Variants in MSH6 observed in about 807,000 individuals in gnomAD.
MSH6 encodes DNA mismatch repair protein Msh6.
MSH6 carries 85 observed loss-of-function variants against 119.1 expected under a neutral mutation model. The ratio of observed to expected loss-of-function variants is 0.71; its 90% CI spans 0.60 to 0.85. The LOEUF is 0.85. MSH6 is among the 40% of genes least tolerant of loss of function. The probability of loss-of-function intolerance (pLI) is 0.00; values close to 1 mark genes in which losing one functional copy is unlikely to be tolerated. For synonymous variants in MSH6, 830 were observed against 586.9 expected, an observed-to-expected ratio of 1.41 and a Z score of -5.99; for missense variants, 2,163 against 1,655.3, an observed-to-expected ratio of 1.31 and a Z score of -5.32.
In MSH6 at chr2:47,798,795, A is replaced by G; in HGVS notation, c.812A>G (p.Glu271Gly). ...SDVEFKPDTK[E>G]EGSSDEISSG... ...GTGGAATTTAAGCCAGACACTAAGGAGGAAGGAAGCAGTGATGAAATAAGC... is the reference window on the plus strand; with the variant it reads ...GTGGAATTTAAGCCAGACACTAAGGGGGAAGGAAGCAGTGATGAAATAAGC... The change falls in exon 4 of 10, where the codon GAG becomes GGG. Residue 271 changes from glutamate to glycine, a missense_variant. Coordinates refer to ENST00000234420, the MANE Select transcript of MSH6 (RefSeq NM_000179.3). 1 of 1,614,178 alleles carries G rather than the reference A, an allele frequency of 6.2e-7. No homozygotes were observed. Among genetic ancestry groups the G allele is most frequent in the Non-Finnish European group, 8.5e-7 (1 of 1,180,024 alleles).
At chr2:47,804,844 G>C (rs760569345) in intron 5 of MSH6, 66 bp from the exon 6 acceptor site, 21 of 1,266,992 alleles carry the variant, frequency 1.7e-5, no homozygotes, top group Non-Finnish European at 2.2e-5. Flanking sequence ...GGGTTCATAA[G>C]AAAGACAAAA....
rs752164796 is a variant in MSH6, at chr2:47,803,635, G to A, written c.3388G>A (p.Val1130Met). Residue 1130 changes from valine (V) to methionine (M), a missense_variant, in exon 5 of 10, where the codon GTG (valine) becomes ATG (methionine). Physicochemically the swap from Val to Met is conservative, Grantham distance 21. Transcript: ENST00000234420. ...GCAGGAAAATGGCAAAGCCTATTGT[G>A]TGCTTGTTACTGGACCAAATATGGG... ...EEQENGKAYC[V>M]LVTGPNMGGK... 3 of 1,614,192 alleles carry A rather than the reference G, an allele frequency of 1.9e-6. No individual in the cohort carries two copies. Among genetic ancestry groups the A allele is most frequent in the South Asian group, 1.1e-5 (1 of 91,078 alleles).
chr2:47,788,570 CTTTTT>C (rs531963943), intron 1 of MSH6, among the ~76,000 whole-genome samples: 14 of 104,864 alleles, frequency 1.3e-4, no homozygotes, highest in African/African-American at 4.0e-4. Context: ...TTTTCTTTTT[CTTTTT>C]TTTTTTTTTT....
In MSH6 at chr2:47,805,722, TTCTCATTTG is replaced by T. The variant is rs766279232; in HGVS notation, c.3646+16_3646+24del. 9 of 1,512,434 alleles carry T rather than the reference TTCTCATTTG, an allele frequency of 6.0e-6. No homozygotes were observed. Among genetic ancestry groups the T allele is most frequent in the Non-Finnish European group, 6.3e-6 (7 of 1,113,736 alleles). The allele number at this position is 1,512,434 out of a possible 1,614,324, so 93.7% of individuals were successfully genotyped here. On this transcript the variant is annotated intron_variant, in intron 7 of 9. Coordinates refer to ENST00000234420, the MANE Select transcript of MSH6 (RefSeq NM_000179.3). ...GGATGAATTAGGTAAGACATTAAAC[TTCTCATTTG>T]AAGACTATCTATCTTAAAAACATTT...
In MSH6 at chr2:47,806,599, C is replaced by T. The variant is rs759092293; in HGVS notation, c.3949C>T (p.His1317Tyr). Residue 1317 changes from histidine to tyrosine, a missense_variant, in exon 9 of 10, where the codon CAT (histidine) becomes TAT (tyrosine). His to Tyr is a moderately conservative substitution (Grantham distance 83). Coordinates refer to ENST00000234420, the MANE Select transcript of MSH6 (RefSeq NM_000179.3). ...CCCAGAGGAAGTTATTCAAAAGGGA[C>T]ATAGAAAAGCAAGAGAATTTGAGAA... The part of the protein sequence containing the change: ...NLPEEVIQKG[H>Y]RKAREFEKMN... 1.9e-6 allele frequency: 3 copies of T among 1,612,956 alleles called. No individual in the cohort carries two copies. The highest frequency in any genetic ancestry group is 1.1e-5 in the South Asian group (1 of 91,066).
intron 1 of MSH6, chr2:47,789,427 G>C: frequency 2.1e-6 from 1 of 468,460 alleles, no homozygotes; most frequent in South Asian, 1.6e-5. Flanking sequence ...TCCTAGTGAG[G>C]ATGCACATTT....
At chr2:47,790,900 A>T (rs1374312236) in intron 1 of MSH6, 27 bp from the exon 2 acceptor site, 2 of 1,608,686 alleles carry the variant, frequency 1.2e-6, no homozygotes, top group African/African-American at 1.3e-5. Context: ...AATATTAACT[A>T]AGTTATGTAT....
downstream of MSH6, chr2:47,808,665 C>CT: frequency 2.5e-6 from 1 of 403,550 alleles, no homozygotes; most frequent in Non-Finnish European, 4.4e-6. Context: ...GTTCTTTCCA[C>CT]TTTAAAAGCC....
intron 2 of MSH6, among the ~76,000 whole-genome samples, chr2:47,794,528 T>TC (rs1375635804): frequency 6.8e-6 from 1 of 147,002 alleles, no homozygotes; most frequent in Non-Finnish European, 1.5e-5. Context: ...CGCCTTGGCC[T>TC]CCCAAAATGC....
rs876658189 is a variant in MSH6, at chr2:47,806,624, A to T, written c.3974A>T (p.Lys1325Met). ...KGHRKAREFE[K>M]MNQSLRLFRE... The stretch of plus-strand genomic sequence containing the variant: ...CATAGAAAAGCAAGAGAATTTGAGA[A>T]GATGAATCAGTCACTACGATTATTT... Residue 1325 changes from lysine to methionine, a missense_variant, in exon 9 of 10, where the codon AAG (lysine) becomes ATG (methionine). By Grantham distance (95) the Lys-to-Met change is moderately conservative. Coordinates refer to ENST00000234420, the MANE Select transcript of MSH6 (RefSeq NM_000179.3). 5 of 1,612,290 alleles carry T rather than the reference A, an allele frequency of 3.1e-6. No homozygotes were observed. Among genetic ancestry groups the T allele is most frequent in the African/African-American group, 1.3e-5 (1 of 75,048 alleles).
downstream of MSH6, chr2:47,808,875 TTTGTA>T: frequency 3.3e-6 from 1 of 301,934 alleles, no homozygotes; most frequent in South Asian, 7.0e-5. Context: ...TTTGTTTTGT[TTTGTA>T]GAGACAGGGT....
Position 47,800,671 on chromosome 2 carries a change from A to G in MSH6, c.2688A>G (p.Lys896=), listed in dbSNP as rs876659173. The change falls in exon 4 of 10, where the codon AAA becomes AAG. Residue 896 remains lysine, a synonymous_variant. Transcript: ENST00000234420. ...AGCAGGTCATCTCTCTGCAGACAAA[A>G]AATCCTGAAGGTCGTTTTCCTGATT... ...ILKQVISLQT[K]NPEGRFPDLT... 6.2e-7 allele frequency: 1 copy of G among 1,614,194 alleles called. No homozygotes were observed. Among genetic ancestry groups the G allele is most frequent in the East Asian group, 2.2e-5 (1 of 44,888 alleles).
In MSH6 at chr2:47,800,532, A is replaced by G. The variant is rs63750389; in HGVS notation, c.2549A>G (p.Tyr850Cys). ...GCTATAATGTATGAAGAAACTACAT[A>G]CAGCAAGAAGAAGATTATTGATTTT... Reference protein sequence around the residue: ...SRAIMYEETTYSKKKIIDFLS... With the variant: ...SRAIMYEETTCSKKKIIDFLS... Residue 850 changes from tyrosine to cysteine, a missense_variant, in exon 4 of 10, where the codon TAC (tyrosine) becomes TGC (cysteine). Transcript: ENST00000234420. 1.2e-6 allele frequency: 2 copies of G among 1,613,502 alleles called. No homozygotes were observed. Among genetic ancestry groups the G allele is most frequent in the Non-Finnish European group, 1.7e-6 (2 of 1,179,876 alleles).
intron 7 of MSH6, 143 bp downstream of exon 7, chr2:47,805,850 G>A (rs1026563286): frequency 1.5e-5 from 11 of 729,056 alleles, no homozygotes; most frequent in East Asian, 5.3e-5. Context: ...GGCACAGACC[G>A]ATAGTTGGAG....
chr2:47,808,119 C>A, downstream of MSH6: 1 of 1,604,478 alleles, frequency 6.2e-7, no homozygotes, highest in South Asian at 1.1e-5. Context: ...GGAAGGAATT[C>A]AGTTGTGCTG....
rs587779924 is a variant in MSH6, at chr2:47,783,475, C to G, written c.242C>G (p.Ala81Gly). 1 of 1,439,422 alleles carries G rather than the reference C, an allele frequency of 6.9e-7. No homozygotes were observed. Among genetic ancestry groups the G allele is most frequent in the Non-Finnish European group, 9.1e-7 (1 of 1,096,250 alleles). The allele number at this position is 1,439,422 out of a possible 1,614,324, so 89.2% of individuals were successfully genotyped here. Residue 81 changes from alanine to glycine, a missense_variant, in exon 1 of 10, where the codon GCG (alanine) becomes GGG (glycine). Transcript: ENST00000234420. ...NLNGGLRRSVAPAAPTSCDFS... is the reference protein window; with the variant it reads ...NLNGGLRRSVGPAAPTSCDFS... The stretch of plus-strand genomic sequence containing the variant: ...AACGGAGGGCTGCGGAGATCGGTAG[C>G]GCCTGCTGCCCCCACCAGGTAGCGG...
intron 4 of MSH6, among the ~76,000 whole-genome samples, 190 bp from the exon 5 acceptor site, chr2:47,803,226 ATCTT>A (rs554846449): frequency 4.9e-4 from 75 of 152,110 alleles, no homozygotes; most frequent in Non-Finnish European, 9.6e-4. Flanking sequence ...CCTCTGCTCT[ATCTT>A]TTAGCTTTCC....
At chr2:47,793,874 G>T (rs527571180) in intron 2 of MSH6, among the ~76,000 whole-genome samples, 1 of 151,756 alleles carries the variant, frequency 6.6e-6, no homozygotes, top group South Asian at 2.1e-4. Flanking sequence ...GTGATTATAG[G>T]CGCCCACCAC....
At chr2:47,803,301 A>G in intron 4 of MSH6, 119 bp from the exon 5 acceptor site, 2 of 1,312,804 alleles carry the variant, frequency 1.5e-6, no homozygotes, top group Non-Finnish European at 2.2e-6. Flanking sequence ...AGATCGTTGG[A>G]CTGTAATTGA....
Sources: allele counts gnomAD v4.1 joint callset (sites outside exome capture counted in the v4.1 genomes callset), GRCh38; gene constraint gnomAD v4.1.1; transcripts MANE v1.5; gene names NCBI Gene and HGNC (gene_info 2026-07-23, HGNC 2026-07-21).